Variants in MAPK6 observed in about 807,000 individuals in gnomAD.
The protein encoded by MAPK6 is ERK-3.
MAPK6 carries 19 observed loss-of-function variants against 59.3 expected under a neutral mutation model. That is an observed-to-expected ratio of 0.32 (90% CI 0.22 to 0.47). The LOEUF (loss-of-function observed/expected upper bound fraction) is 0.47. Ranked by LOEUF, MAPK6 falls within the 20% of genes least tolerant of loss-of-function variation. The pLI, the probability that MAPK6 is intolerant of heterozygous loss-of-function variation, is 1.00. For synonymous variants in MAPK6, 316 were observed against 290.3 expected (o/e 1.09, Z -0.90); for missense variants, 724 against 847.9 (o/e 0.85, Z 1.81).
At chr15:52,033,171 A>G (rs1283953870) in intron 1 of MAPK6, among the ~76,000 whole-genome samples, 1 of 152,116 alleles carries the variant, frequency 6.6e-6, no homozygotes, top group Non-Finnish European at 1.5e-5. Context: ...TTAGATACAG[A>G]ATTCTGGTGT....
chr15:52,045,241 G>C (rs2031561813), intron 1 of MAPK6, among the ~76,000 whole-genome samples: 1 of 152,136 alleles, frequency 6.6e-6, no homozygotes. Flanking sequence ...CATTAACAGA[G>C]ATGCATGTTT....
At chr15:52,019,593 C>G (rs1475657805) in intron 1 of MAPK6, among the ~76,000 whole-genome samples, 3 of 146,196 alleles carry the variant, frequency 2.1e-5, no homozygotes, top group African/African-American at 4.9e-5. Flanking sequence ...TCGGGCCTGG[C>G]CGGCGCGTCC....
chr15:52,016,107 C>CACACACA (rs1267339787), upstream of MAPK6, among the ~76,000 whole-genome samples: 2 of 136,212 alleles, frequency 1.5e-5, no homozygotes, highest in Non-Finnish European at 3.1e-5. Context: ...CACACACACA[C>CACACACA]AAACTAAAAC....
chr15:51,988,815 A>G (rs1352875958), intron 2 of MAPK6, among the ~76,000 whole-genome samples: 1 of 152,056 alleles, frequency 6.6e-6, no homozygotes, highest in Non-Finnish European at 1.5e-5. Flanking sequence ...AAGTTAGTTC[A>G]TCAGTATCAC....
chr15:51,974,861 G>A (rs1440248642), intron 1 of MAPK6, among the ~76,000 whole-genome samples: 1 of 150,536 alleles, frequency 6.6e-6, no homozygotes, highest in South Asian at 2.1e-4. Flanking sequence ...GGGACTATAG[G>A]CATGCACCAC....
chr15:52,027,015 A>G (rs1421999103), intron 1 of MAPK6, among the ~76,000 whole-genome samples: 2 of 149,464 alleles, frequency 1.3e-5, no homozygotes, highest in Admixed American at 6.7e-5. Context: ...ACACCATTGC[A>G]CTCCAGCCTG....
At chr15:52,012,813 C>T (rs1233639412) in intron 3 of MAPK6, among the ~76,000 whole-genome samples, 1 of 150,976 alleles carries the variant, frequency 6.6e-6, no homozygotes, top group East Asian at 1.9e-4. Flanking sequence ...ATGGTGAAAC[C>T]TCGTCTTTAC....
At chr15:52,058,843 G>C in intron 4 of MAPK6, 46 bp downstream of exon 4, 4 of 1,516,798 alleles carry the variant, frequency 2.6e-6, no homozygotes, top group Non-Finnish European at 3.6e-6. Flanking sequence ...CTGTGTGTGA[G>C]GCAGAATCTG....
At chr15:51,996,613 C>G (rs2057224948) in intron 2 of MAPK6, among the ~76,000 whole-genome samples, 1 of 151,912 alleles carries the variant, frequency 6.6e-6, no homozygotes, top group Non-Finnish European at 1.5e-5. Context: ...CCAGGATAGT[C>G]TCGAACTCCT....
At chr15:52,047,072 T>A in intron 2 of MAPK6, 57 bp downstream of exon 2, 1 of 1,235,378 alleles carries the variant, frequency 8.1e-7, no homozygotes, top group Non-Finnish European at 1.1e-6. Context: ...TAATCAGGAA[T>A]AGGTACTTAT....
chr15:51,997,949 C>CT (rs1411547231), intron 2 of MAPK6, among the ~76,000 whole-genome samples: 1 of 147,768 alleles, frequency 6.8e-6, no homozygotes, highest in African/African-American at 2.5e-5. Context: ...TTCTTTCTTT[C>CT]TTTTTTTCTT....
chr15:52,000,889 T>A (rs535911753), intron 2 of MAPK6, among the ~76,000 whole-genome samples: 2 of 152,318 alleles, frequency 1.3e-5, no homozygotes, highest in Admixed American at 1.3e-4. Context: ...GGGCTTTTAG[T>A]GTACCTATCA....
chr15:51,992,110 C>T (rs1008035088), intron 2 of MAPK6, among the ~76,000 whole-genome samples: 1 of 151,812 alleles, frequency 6.6e-6, no homozygotes, highest in Admixed American at 6.6e-5. Context: ...GCGCACACCA[C>T]CACGCTTGGC....
chr15:52,057,654 T>C (rs1212538414), intron 3 of MAPK6, among the ~76,000 whole-genome samples: 1 of 152,140 alleles, frequency 6.6e-6, no homozygotes, highest in Non-Finnish European at 1.5e-5. Context: ...AAGCAATTCT[T>C]GTGCTTCAGC....
At chr15:52,052,284 C>T (rs1007006141) in intron 3 of MAPK6, among the ~76,000 whole-genome samples, 3 of 152,146 alleles carry the variant, frequency 2.0e-5, no homozygotes, top group African/African-American at 7.2e-5. Context: ...CGGTTCCTCA[C>T]CATGTGGGCT....
intron 2 of MAPK6, among the ~76,000 whole-genome samples, chr15:52,000,194 C>A (rs984454804): frequency 6.6e-6 from 1 of 152,168 alleles, no homozygotes; most frequent in African/African-American, 2.4e-5. Context: ...CTGCCTCAGC[C>A]TCCCAAAGTA....
chr15:51,978,235 T>A (rs2057162727), intron 1 of MAPK6, among the ~76,000 whole-genome samples: 1 of 151,450 alleles, frequency 6.6e-6, no homozygotes, highest in Admixed American at 6.6e-5. Context: ...TGGGTTCAAG[T>A]GATTCTCCTG....
At chr15:52,030,602 A>G (rs1432458790) in intron 1 of MAPK6, among the ~76,000 whole-genome samples, 1 of 135,584 alleles carries the variant, frequency 7.4e-6, no homozygotes, top group Non-Finnish European at 1.5e-5. Flanking sequence ...TTAGTTATGC[A>G]GAAGAAGGCT....
At chr15:52,037,806 T>C (rs533189857) in intron 1 of MAPK6, among the ~76,000 whole-genome samples, 1 of 152,320 alleles carries the variant, frequency 6.6e-6, no homozygotes, top group Non-Finnish European at 1.5e-5. Context: ...CTCCAAAGCT[T>C]TCTACTCACG....
Sources: allele counts gnomAD v4.1 joint callset (sites outside exome capture counted in the v4.1 genomes callset), GRCh38; gene constraint gnomAD v4.1.1; transcripts MANE v1.5; gene names NCBI Gene and HGNC (gene_info 2026-07-23, HGNC 2026-07-21).